Variants in ZNF69 observed in about 807,000 individuals in gnomAD.
ZNF69 encodes zinc finger protein 69.
ZNF69 carries 47 observed loss-of-function variants against 50.9 expected under a neutral mutation model. The ratio of observed to expected loss-of-function variants is 0.92; its 90% confidence interval spans 0.73 to 1.18. The LOEUF (loss-of-function observed/expected upper bound fraction) is 1.18. Ranked by LOEUF, ZNF69 falls within the 50% of genes most tolerant of loss-of-function variation. The pLI is 0.00. For synonymous variants in ZNF69, 216 were observed against 223.1 expected, an observed-to-expected ratio of 0.97 and a Z score of 0.29; for missense variants, 717 against 675.1, an observed-to-expected ratio of 1.06 and a Z score of -0.69.
At chr19:11,928,829 C>T in the ZNF69 span, among the ~76,000 whole-genome samples, 1 of 147,410 alleles carries the variant, frequency 6.8e-6, no homozygotes, top group South Asian at 2.1e-4. Flanking sequence ...CCTGTAACCC[C>T]AGCACTGTGG....
chr19:11,903,512 G>A lies in ZNF69; in HGVS notation c.64-61G>A, dbSNP rs1003531979. 1.1e-5 allele frequency: 17 copies of A among 1,606,870 alleles called. No individual in the cohort carries two copies. In the East Asian group the frequency reaches 2.9e-4, roughly 27 times the overall value. Reference sequence around the variant, plus strand: ...ATCCTGAGAACTTCTTGAGAATAGAGTCTAGGCCCCCAGTGCTGTCACTCT... The same window carrying A: ...ATCCTGAGAACTTCTTGAGAATAGAATCTAGGCCCCCAGTGCTGTCACTCT... On this transcript the variant is annotated intron_variant, in intron 1 of 3. Coordinates refer to ENST00000429654, the MANE Select transcript of ZNF69 (RefSeq NM_001364730.1).
At chr19:11,965,228 G>A in the ZNF69 span, 9 of 1,613,972 alleles carry the variant, frequency 5.6e-6, no homozygotes, top group South Asian at 4.4e-5. Flanking sequence ...GTGCATAGCC[G>A]GTTGTCCCGA....
At chr19:11,976,959 C>T in the ZNF69 span, 413 of 1,580,702 alleles carry the variant, frequency 2.6e-4, 1 homozygote, top group Non-Finnish European at 3.4e-4. Flanking sequence ...GAGTCCACGG[C>T]AACTTCTTGG....
intron 1 of ZNF69, among the ~76,000 whole-genome samples, chr19:11,899,645 A>C (rs982568938): frequency 6.6e-6 from 1 of 152,088 alleles, no homozygotes; most frequent in Admixed American, 6.6e-5. Context: ...TTTTTTTTAA[A>C]GACTCACCTT....
At chr19:11,952,252 T>C in the ZNF69 span, among the ~76,000 whole-genome samples, 8 of 152,222 alleles carry the variant, frequency 5.3e-5, no homozygotes, top group South Asian at 2.1e-4. Context: ...GCCTTACTTA[T>C]TCTCTAAAGA....
chr19:11,938,750 A>G, the ZNF69 span, among the ~76,000 whole-genome samples: 7 of 152,202 alleles, frequency 4.6e-5, no homozygotes, highest in East Asian at 1.2e-3. Context: ...CAGTAGTGGG[A>G]TGGCTGGATC....
chr19:11,975,414 T>C, the ZNF69 span, among the ~76,000 whole-genome samples: 5 of 151,410 alleles, frequency 3.3e-5, 1 homozygote, highest in South Asian at 1.0e-3. Context: ...TTATTATTTT[T>C]TGAGACAGAG....
the ZNF69 span, chr19:11,977,185 T>C: frequency 1.9e-5 from 31 of 1,613,298 alleles, no homozygotes; most frequent in Non-Finnish European, 2.4e-5. Context: ...CAATATTCCT[T>C]CCCTCAGTCC....
the ZNF69 span, among the ~76,000 whole-genome samples, chr19:11,968,774 C>T: frequency 2.6e-5 from 4 of 152,070 alleles, no homozygotes; most frequent in Admixed American, 1.3e-4. Flanking sequence ...AACCCCAGCA[C>T]GTTGGGAGGC....
chr19:11,946,895 G>A, the ZNF69 span: 2 of 395,190 alleles, frequency 5.1e-6, no homozygotes, highest in African/African-American at 4.3e-5. Context: ...AGCTACTCGG[G>A]AGGCTGAGGC....
rs919786011 is a variant in ZNF69, at chr19:11,903,643, A to G, written c.134A>G (p.Gln45Arg). The change falls in exon 2 of 4, where the codon CAG (glutamine) becomes CGG (arginine). Residue 45 changes from glutamine to arginine, a missense_variant. By Grantham distance (43) the Gln-to-Arg change is conservative (BLOSUM62 1). Coordinates refer to ENST00000429654, the MANE Select transcript of ZNF69 (RefSeq NM_001364730.1). ...GAGTGGGCTTTGCTGGATATTTCCC[A>G]GAGGAAACTCTACAAGGAAGTGATG... The part of the protein sequence containing the change: ...QEEWALLDIS[Q>R]RKLYKEVMLE... 6.2e-7 allele frequency: 1 copy of G among 1,614,194 alleles called. No homozygotes were observed.
At chr19:11,950,644 G>T in the ZNF69 span, 1 of 344,842 alleles carries the variant, frequency 2.9e-6, no homozygotes, top group Non-Finnish European at 5.7e-6. Flanking sequence ...AAAGCCTTCA[G>T]ATCTGCCAAG....
At chr19:11,978,355 A>C in the ZNF69 span, 6 of 1,614,126 alleles carry the variant, frequency 3.7e-6, no homozygotes, top group Admixed American at 1.7e-5. Context: ...CCAAAGCCAT[A>C]TAAGTGTCAA....
chr19:11,940,700 G>A, the ZNF69 span, among the ~76,000 whole-genome samples: 1 of 152,146 alleles, frequency 6.6e-6, no homozygotes, highest in Non-Finnish European at 1.5e-5. Context: ...GCTGGCTCAG[G>A]CAGCCTGCTT....
At chr19:11,903,541 C>T (rs769780825) in intron 1 of ZNF69, 32 bp from the exon 2 acceptor site, 7 of 1,612,518 alleles carry the variant, frequency 4.3e-6, no homozygotes, top group South Asian at 1.1e-5. Flanking sequence ...TCACTCTCAC[C>T]CATCCTCCTC....
chr19:11,968,120 T>G, the ZNF69 span, among the ~76,000 whole-genome samples: 3 of 152,200 alleles, frequency 2.0e-5, no homozygotes, highest in Non-Finnish European at 2.9e-5. Flanking sequence ...CTTGTTAGTC[T>G]CAAGATGGAG....
At chr19:11,911,059 G>C (rs1435583073), downstream of ZNF69, among the ~76,000 whole-genome samples, 3 of 152,102 alleles carry the variant, frequency 2.0e-5, no homozygotes, top group Non-Finnish European at 4.4e-5. Context: ...GCAGCCAACA[G>C]ACACATGAAA....
chr19:11,959,000 A>G, the ZNF69 span, among the ~76,000 whole-genome samples: 2 of 152,172 alleles, frequency 1.3e-5, no homozygotes, highest in Non-Finnish European at 2.9e-5. Flanking sequence ...CTCTTTGCTC[A>G]GCCTCCCAAG....
chr19:11,967,682 C>T, the ZNF69 span, among the ~76,000 whole-genome samples: 4 of 151,922 alleles, frequency 2.6e-5, no homozygotes, highest in Non-Finnish European at 4.4e-5. Flanking sequence ...GGATTACAGG[C>T]GTGAGCCACC....
Sources: gnomAD v4.1 joint callset for allele counts (sites outside exome capture counted in the v4.1 genomes callset) on GRCh38, gnomAD v4.1.1 for gene constraint, MANE v1.5 for transcripts, NCBI Gene and HGNC (gene_info 2026-07-23, HGNC 2026-07-21) for gene names.